PRKG2: variants seen among roughly 807,000 people sequenced by gnomAD.
PRKG2 encodes the protein protein kinase cGMP-dependent 2.
PRKG2 carries 33 observed loss-of-function variants against 97.2 expected under a neutral mutation model. The observed-to-expected ratio is 0.34, with a 90% CI of 0.26 to 0.45. PRKG2 has a LOEUF of 0.45. Ranked by LOEUF, PRKG2 falls within the 20% of genes least tolerant of loss-of-function variation. The pLI is 1.00. For synonymous variants in PRKG2, 330 were observed against 321.8 expected (o/e 1.03, Z -0.27); for missense variants, 638 against 900.0 (o/e 0.71, Z 3.73).
chr4:81,213,022 T>A (rs917982465), intron 1 of PRKG2, among the ~76,000 whole-genome samples: 3 of 152,176 alleles, frequency 2.0e-5, no homozygotes, highest in Admixed American at 6.5e-5. Context: ...ATTCATTCAG[T>A]CATTCAAAAA....
At chr4:81,212,875 G>C (rs559552006) in intron 1 of PRKG2, among the ~76,000 whole-genome samples, 2 of 152,170 alleles carry the variant, frequency 1.3e-5, no homozygotes, top group Non-Finnish European at 2.9e-5. Flanking sequence ...AATATTAGAA[G>C]AGGGTGAGTA....
At chr4:81,111,284 T>C (rs1439531465) in intron 14 of PRKG2, among the ~76,000 whole-genome samples, 1 of 152,128 alleles carries the variant, frequency 6.6e-6, no homozygotes, top group Non-Finnish European at 1.5e-5. Flanking sequence ...GTTAACTTAC[T>C]TATTCGGAAA....
At chr4:81,148,783 C>A in intron 9 of PRKG2, 101 bp downstream of exon 9, 1 of 1,010,140 alleles carries the variant, frequency 9.9e-7, no homozygotes, top group Non-Finnish European at 1.6e-6. Flanking sequence ...CCAGTATTTC[C>A]AAGTGGTGAT....
chr4:81,208,244 G>A (rs1753784468), intron 1 of PRKG2, among the ~76,000 whole-genome samples: 1 of 152,110 alleles, frequency 6.6e-6, no homozygotes, highest in African/African-American at 2.4e-5. Flanking sequence ...TATTACGTTT[G>A]TAAAGTACCC....
intron 4 of PRKG2, 151 bp downstream of exon 4, chr4:81,171,540 T>G: frequency 1.9e-6 from 1 of 531,080 alleles, no homozygotes. Context: ...TGCTTCAGTA[T>G]AAATCCCTTA....
At chr4:81,097,151 AG>A (rs1425975760) in intron 17 of PRKG2, among the ~76,000 whole-genome samples, 9 of 152,194 alleles carry the variant, frequency 5.9e-5, no homozygotes, top group African/African-American at 2.2e-4. Flanking sequence ...TAACAGAATG[AG>A]ACCCTCAAAA....
intron 15 of PRKG2, among the ~76,000 whole-genome samples, chr4:81,108,705 G>A (rs1162057384): frequency 1.3e-5 from 2 of 151,836 alleles, no homozygotes; most frequent in African/African-American, 2.4e-5. Flanking sequence ...GCCCAGCCTG[G>A]GTAACACAGT....
At chr4:81,094,789 GA>G (rs905311913) in intron 17 of PRKG2, among the ~76,000 whole-genome samples, 14 of 148,424 alleles carry the variant, frequency 9.4e-5, no homozygotes, top group East Asian at 7.9e-4. Flanking sequence ...GAGGAAACTA[GA>G]AAAAAAAAAT....
chr4:81,203,456 T>G (rs1578521884), intron 2 of PRKG2, among the ~76,000 whole-genome samples: 2 of 152,324 alleles, frequency 1.3e-5, no homozygotes, highest in South Asian at 4.1e-4. Context: ...ATCATTTGTT[T>G]GTCTGGGTCA....
At chr4:81,104,059 C>A (rs541098588) in intron 17 of PRKG2, among the ~76,000 whole-genome samples, 75 of 151,876 alleles carry the variant, frequency 4.9e-4, no homozygotes, top group African/African-American at 8.9e-4. Context: ...AACAAACAAA[C>A]AAAAAAACCT....
At chr4:81,137,771 C>T (rs1746856903) in intron 12 of PRKG2, among the ~76,000 whole-genome samples, 1 of 152,200 alleles carries the variant, frequency 6.6e-6, no homozygotes, top group South Asian at 2.1e-4. Flanking sequence ...ACCTCCAAGG[C>T]CATCTTTTTA....
chr4:81,198,679 T>C (rs912830330), intron 2 of PRKG2, among the ~76,000 whole-genome samples: 1 of 152,150 alleles, frequency 6.6e-6, no homozygotes, highest in African/African-American at 2.4e-5. Flanking sequence ...CTGGAGCAAG[T>C]TGAATGACCC....
intron 15 of PRKG2, among the ~76,000 whole-genome samples, chr4:81,109,272 G>A (rs1272924085): frequency 6.6e-6 from 1 of 152,198 alleles, no homozygotes; most frequent in Admixed American, 6.5e-5. Context: ...AGTTCAAGAA[G>A]ATTCTATGAA....
At chr4:81,171,386 A>G (rs574416177) in intron 4 of PRKG2, among the ~76,000 whole-genome samples, 1 of 152,210 alleles carries the variant, frequency 6.6e-6, no homozygotes, top group Admixed American at 6.5e-5. Flanking sequence ...ATGTATACAT[A>G]CCACATTTTC....
At chr4:81,136,004 CA>C (rs147227335) in intron 13 of PRKG2, among the ~76,000 whole-genome samples, 1,822 of 152,208 alleles carry the variant, frequency 0.012, 33 homozygotes, top group African/African-American at 0.041. Flanking sequence ...GTTTGATACT[CA>C]CTTAAAAGCA....
intron 5 of PRKG2, among the ~76,000 whole-genome samples, chr4:81,167,679 G>C (rs1223438836): frequency 6.6e-6 from 1 of 151,924 alleles, no homozygotes; most frequent in African/African-American, 2.4e-5. Context: ...GGTTGGGAGG[G>C]AACATGGGAA....
intron 5 of PRKG2, among the ~76,000 whole-genome samples, chr4:81,168,904 ATAT>A (rs1165744940): frequency 3.3e-5 from 5 of 151,846 alleles, no homozygotes; most frequent in African/African-American, 7.2e-5. Flanking sequence ...ATTATTATTA[ATAT>A]TATTATTACA....
At position 81,176,397 on chromosome 4, in the gene PRKG2, T is replaced by TA. The variant is rs920145444; in HGVS notation, c.462-1439dup. Among the ~76,000 whole-genome samples the TA allele has an allele frequency of 4.3e-4, 65 of 151,674 alleles. 1 individual carries two copies. The highest frequency in any genetic ancestry group is 1.5e-3 in the African/African-American group (63 of 41,408). ...TATTATATCATCAGATTATTCTTGC[T>TA]AAAAAAAAATTTAAAAATGGATTTC... On this transcript the variant is annotated intron_variant, in intron 2 of 18. Transcript: ENST00000264399.
chr4:81,142,995 A>C, intron 10 of PRKG2, 48 bp from the exon 11 acceptor site: 1 of 1,531,706 alleles, frequency 6.5e-7, no homozygotes. Context: ...ATAATTAAGA[A>C]GGTGTCATGC....
Sources: gnomAD v4.1 joint callset for allele counts (sites outside exome capture counted in the v4.1 genomes callset) on GRCh38, gnomAD v4.1.1 for gene constraint, MANE v1.5 for transcripts, NCBI Gene and HGNC (gene_info 2026-07-23, HGNC 2026-07-21) for gene names.